OSGEPL1: variants seen among roughly 807,000 people sequenced by gnomAD.
The protein encoded by OSGEPL1 is O-sialoglycoprotein endopeptidase like 1.
OSGEPL1 carries 26 observed loss-of-function variants against 37.2 expected under a neutral mutation model. The ratio of observed to expected loss-of-function variants is 0.70; its 90% CI spans 0.51 to 0.97. The LOEUF (loss-of-function observed/expected upper bound fraction) is 0.97. Among genes scored for constraint, OSGEPL1 ranks in the 50% least tolerant of loss-of-function variants. The pLI is 0.00. For synonymous variants in OSGEPL1, 140 were observed against 159.9 expected (o/e 0.88, Z 0.94); for missense variants, 404 against 487.0 (o/e 0.83, Z 1.60).
At chr2:189,750,754 A>T in intron 7 of OSGEPL1, 98 bp from the exon 8 acceptor site, 6 of 827,040 alleles carry the variant, frequency 7.3e-6, no homozygotes, top group Non-Finnish European at 1.1e-5. Flanking sequence ...TATAAATATC[A>T]AATATTTAAT....
intron 8 of OSGEPL1, among the ~76,000 whole-genome samples, chr2:189,749,260 A>AAAAAAAAAAGAT (rs1553538643): frequency 7.0e-6 from 1 of 142,092 alleles, no homozygotes; most frequent in African/African-American, 2.6e-5. Flanking sequence ...AAAAAAAAAA[A>AAAAAAAAAAGAT]AAAAAAAGAT....
At chr2:189,754,437 C>T (rs2045756860) in intron 3 of OSGEPL1, 92 bp from the exon 4 acceptor site, 7 of 1,173,420 alleles carry the variant, frequency 6.0e-6, no homozygotes, top group Non-Finnish European at 8.3e-6. Flanking sequence ...ACTAACAAAA[C>T]AAAAAACCCC....
At position 189,746,747 on chromosome 2, in the gene OSGEPL1, C is replaced by T. The variant is rs903762694; in HGVS notation, c.*450G>A. On this transcript the variant is annotated 3_prime_UTR_variant, in exon 9 of 9. Coordinates refer to ENST00000264151, the MANE Select transcript of OSGEPL1 (RefSeq NM_022353.3). ...CTTTTTGAATGAAAGTTCTTGATCT[C>T]GATACTAAGCAGATTTTCCTTAGCA... 19 of 1,101,604 alleles carry T rather than the reference C, an allele frequency of 1.7e-5. No individual in the cohort carries two copies. Among genetic ancestry groups the T allele is most frequent in the African/African-American group, 6.5e-5 (4 of 61,596 alleles). 68.2% of individuals were successfully genotyped at this position (1,101,604 alleles called of 1,614,324 possible).
At chr2:189,759,374 A>T (rs1312842472) in intron 2 of OSGEPL1, among the ~76,000 whole-genome samples, 1 of 151,732 alleles carries the variant, frequency 6.6e-6, no homozygotes, top group African/African-American at 2.4e-5. Context: ...TCAGCCTCCC[A>T]AGTAGCTGCG....
In OSGEPL1 at chr2:189,762,725, C is replaced by T. The variant is rs1037348515; in HGVS notation, c.-61G>A. On this transcript the variant is annotated 5_prime_UTR_variant, in exon 1 of 9. Transcript: ENST00000264151. ...CAGTAGCTAGCACTTGTCTCCTTTC[C>T]CTACTAAAGACTGTCGACTGCCCTT... 5.1e-6 allele frequency: 5 copies of T among 985,314 alleles called. No homozygotes were observed. Among genetic ancestry groups the T allele is most frequent in the African/African-American group, 1.7e-5 (1 of 57,214 alleles). 61.0% of individuals were successfully genotyped at this position (985,314 alleles called of 1,614,324 possible).
intron 1 of OSGEPL1, 65 bp from the exon 2 acceptor site, chr2:189,761,725 A>G (rs2047086149): frequency 1.4e-6 from 2 of 1,410,420 alleles, no homozygotes; most frequent in Non-Finnish European, 1.9e-6. Flanking sequence ...ATTTTTCAAT[A>G]TATAGTTTTA....
At chr2:189,749,101 C>T (rs2044643518) in intron 8 of OSGEPL1, among the ~76,000 whole-genome samples, 1 of 151,872 alleles carries the variant, frequency 6.6e-6, no homozygotes, top group African/African-American at 2.4e-5. Context: ...AAAAAATGAG[C>T]TGGGCATGGT....
chr2:189,761,593 T>A lies in OSGEPL1; in HGVS notation c.48A>T (p.Lys16Asn). ...TTCTTAAAAATTCATAAACTTTCCTTTTTGATGGTTTAAAAAAAACTCCTG... is the reference window on the plus strand; with the variant it reads ...TTCTTAAAAATTCATAAACTTTCCTATTTGATGGTTTAAAAAAAACTCCTG... ...KTAGVFFKPS[K>N]RKVYEFLRSF... Residue 16 changes from lysine to asparagine, a missense_variant, in exon 2 of 9, where the codon AAA (lysine) becomes AAT (asparagine). Transcript: ENST00000264151. 1 of 1,609,084 alleles carries A rather than the reference T, an allele frequency of 6.2e-7. No individual in the cohort carries two copies. Among genetic ancestry groups the A allele is most frequent in the Non-Finnish European group, 8.5e-7 (1 of 1,178,122 alleles).
Position 189,762,766 on chromosome 2 carries a change from A to AGCC in OSGEPL1, c.-105_-103dup. 1 of 985,510 alleles carries AGCC rather than the reference A, an allele frequency of 1.0e-6. No homozygotes were observed. Among genetic ancestry groups the AGCC allele is most frequent in the Non-Finnish European group, 1.2e-6 (1 of 830,026 alleles). 61.0% of individuals were successfully genotyped at this position (985,510 alleles called of 1,614,324 possible). ...GACTGCCCTTATCGCTGCAGGAGAAAGCCCGAACCTGGCGCCCGGAAGTGA... is the reference window on the plus strand; with the variant it reads ...GACTGCCCTTATCGCTGCAGGAGAAAGCCGCCCGAACCTGGCGCCCGGAAGTGA... On this transcript the variant is annotated 5_prime_UTR_variant, in exon 1 of 9. Transcript: ENST00000264151.
intron 2 of OSGEPL1, among the ~76,000 whole-genome samples, chr2:189,756,117 AACAT>A (rs561410154): frequency 1.2e-3 from 176 of 152,336 alleles, no homozygotes; most frequent in African/African-American, 4.0e-3. Flanking sequence ...CTAAAAGAGA[AACAT>A]GAAGACAGTT....
At chr2:189,752,088 G>A (rs182379823) in intron 7 of OSGEPL1, among the ~76,000 whole-genome samples, 178 of 151,824 alleles carry the variant, frequency 1.2e-3, no homozygotes, top group African/African-American at 3.3e-3. Context: ...AGGTTGCAGT[G>A]AGCCGAGAAT....
In OSGEPL1 at chr2:189,762,632, T is replaced by G. The variant is rs2047288272; in HGVS notation, c.-21+53A>C. Reference sequence around the variant, plus strand: ...GCGACGGGCGCAAACTGGAACCGCTTTTCCAGGTGCGCAAAAGCGTCAGTG... The same window carrying G: ...GCGACGGGCGCAAACTGGAACCGCTGTTCCAGGTGCGCAAAAGCGTCAGTG... On this transcript the variant is annotated intron_variant, in intron 1 of 8. Coordinates refer to ENST00000264151, the MANE Select transcript of OSGEPL1 (RefSeq NM_022353.3). 6.1e-6 allele frequency: 6 copies of G among 985,310 alleles called. 1 individual carries two copies. In the South Asian group the frequency reaches 2.3e-4, roughly 39 times the overall value. 61.0% of individuals were successfully genotyped at this position (985,310 alleles called of 1,614,324 possible). A position where few individuals can be genotyped will look rare whatever the true frequency, so the allele number is the denominator to read the frequency against.
chr2:189,759,539 A>G (rs2046661126), intron 2 of OSGEPL1, among the ~76,000 whole-genome samples: 2 of 152,134 alleles, frequency 1.3e-5, no homozygotes, highest in African/African-American at 2.4e-5. Context: ...CGTGAGCCAC[A>G]GCGCCCAGCC....
rs767725539 is a variant in OSGEPL1 at position 189,752,714 on chromosome 2, C to T, written c.1105G>A (p.Glu369Lys). The T allele has an allele frequency of 6.8e-6, 11 of 1,613,854 alleles. No individual in the cohort carries two copies. Among genetic ancestry groups the T allele is most frequent in the Non-Finnish European group, 9.3e-6 (11 of 1,179,854 alleles). Residue 369 changes from glutamate (E) to lysine (K), a missense_variant, in exon 7 of 9, where the codon GAA becomes AAA. Glu to Lys is a moderately conservative substitution (Grantham distance 56). Transcript: ENST00000264151. ...ATGCCCAAGCCAGCACGTAGTCTTTCAATACCATTCCTAAATAAGAAGCAT... is the reference window on the plus strand; with the variant it reads ...ATGCCCAAGCCAGCACGTAGTCTTTTAATACCATTCCTAAATAAGAAGCAT... ...NGIMIAWNGI[E>K]RLRAGLGILH... is the part of the protein sequence containing the mutation.
chr2:189,758,250 G>A (rs541812992), intron 2 of OSGEPL1, among the ~76,000 whole-genome samples: 2 of 152,026 alleles, frequency 1.3e-5, no homozygotes, highest in African/African-American at 2.4e-5. Context: ...GCATGGTGGC[G>A]CATGCCTATA....
intron 5 of OSGEPL1, 120 bp from the exon 6 acceptor site, chr2:189,753,099 T>C: frequency 1.1e-6 from 1 of 870,008 alleles, no homozygotes; most frequent in East Asian, 2.8e-5. Flanking sequence ...TTGAGATGGG[T>C]AATGGGCAGA....
chr2:189,757,198 G>C (rs1559171786), intron 2 of OSGEPL1, among the ~76,000 whole-genome samples: 1 of 152,178 alleles, frequency 6.6e-6, no homozygotes, highest in Non-Finnish European at 1.5e-5. Flanking sequence ...GACAATAAGG[G>C]ATTGAACTCA....
intron 2 of OSGEPL1, 91 bp from the exon 3 acceptor site, chr2:189,755,651 T>C: frequency 2.2e-6 from 3 of 1,362,700 alleles, no homozygotes; most frequent in Non-Finnish European, 3.0e-6. Context: ...TTCAAGTTAA[T>C]CATTATATAG....
At chr2:189,756,442 C>T (rs1449619565) in intron 2 of OSGEPL1, among the ~76,000 whole-genome samples, 1 of 152,134 alleles carries the variant, frequency 6.6e-6, no homozygotes, top group East Asian at 1.9e-4. Context: ...TTTGATGTTG[C>T]AAGATCTACT....
Sources: gnomAD v4.1 joint callset for allele counts (sites outside exome capture counted in the v4.1 genomes callset) on GRCh38, gnomAD v4.1.1 for gene constraint, MANE v1.5 for transcripts, NCBI Gene and HGNC (gene_info 2026-07-23, HGNC 2026-07-21) for gene names.